The following ESRRB variants were observed in gnomAD, a reference collection of about 807,000 sequenced individuals.
ESRRB encodes the protein estrogen related receptor beta, also known as steroid hormone receptor ERR2.
ESRRB carries 16 observed loss-of-function variants against 46.0 expected under a neutral mutation model. The observed-to-expected ratio is 0.35, with a 90% CI of 0.24 to 0.53. The LOEUF (loss-of-function observed/expected upper bound fraction) is 0.53, where lower values mean the gene tolerates loss of function less well. Ranked by LOEUF, ESRRB falls within the 20% of genes least tolerant of loss-of-function variation. ESRRB has a pLI of 0.93. For missense variants in ESRRB, 488 were observed against 607.4 expected (o/e 0.80, Z 2.07); for synonymous variants, 246 against 259.6 (o/e 0.95, Z 0.50).
intron 2 of ESRRB, among the ~76,000 whole-genome samples, chr14:76,448,502 A>AT (rs57449056): frequency 0.88 from 127,266 of 144,524 alleles, 56,079 homozygotes; most frequent in East Asian, 0.99. Context: ...CTAATTTTGT[A>AT]TTTTTTTTTT....
At chr14:76,400,610 G>T (rs1282223591) in intron 1 of ESRRB, among the ~76,000 whole-genome samples, 5 of 152,206 alleles carry the variant, frequency 3.3e-5, no homozygotes, top group Non-Finnish European at 5.9e-5. Flanking sequence ...GTCCCAGTTT[G>T]GGTGGTGGTG....
At chr14:76,494,065 T>C (rs936355627) in intron 6 of ESRRB, among the ~76,000 whole-genome samples, 8 of 152,206 alleles carry the variant, frequency 5.3e-5, no homozygotes, top group Admixed American at 5.2e-4. Flanking sequence ...CCCCCGTAAA[T>C]GTCTGTACCT....
upstream of ESRRB, among the ~76,000 whole-genome samples, chr14:76,368,099 C>T (rs1307881562): frequency 2.0e-5 from 3 of 149,808 alleles, no homozygotes; most frequent in Non-Finnish European, 1.5e-5. Flanking sequence ...ACTGCAGGTG[C>T]GTGACACCAT....
intron 1 of ESRRB, among the ~76,000 whole-genome samples, chr14:76,361,552 T>C (rs550219008): frequency 6.6e-5 from 10 of 152,128 alleles, no homozygotes; most frequent in African/African-American, 2.4e-4. Context: ...TACTGAAAAA[T>C]GTGTAGGAGA....
At chr14:76,359,894 A>G (rs1250860200) in intron 1 of ESRRB, among the ~76,000 whole-genome samples, 1 of 152,244 alleles carries the variant, frequency 6.6e-6, no homozygotes, top group Non-Finnish European at 1.5e-5. Context: ...CTGACACAGC[A>G]GAAGCCCCAA....
chr14:76,331,012 C>T (rs938762553), intron 1 of ESRRB, among the ~76,000 whole-genome samples: 1 of 152,066 alleles, frequency 6.6e-6, no homozygotes, highest in Non-Finnish European at 1.5e-5. Context: ...GGTAAGCCCT[C>T]GGTTTCTGGG....
At chr14:76,405,585 C>G (rs964495701) in intron 1 of ESRRB, among the ~76,000 whole-genome samples, 8 of 151,974 alleles carry the variant, frequency 5.3e-5, no homozygotes, top group African/African-American at 1.9e-4. Context: ...GGTGAGACCT[C>G]AGGAAAATGG....
chr14:76,389,284 A>G (rs935018124), intron 1 of ESRRB, among the ~76,000 whole-genome samples: 8 of 152,136 alleles, frequency 5.3e-5, no homozygotes, highest in Non-Finnish European at 1.0e-4. Flanking sequence ...TTCTCCTTGC[A>G]GCTGTTCTCT....
In ESRRB at chr14:76,498,930, GTATC is replaced by G. The variant is rs1370333228; in HGVS notation, c.*474_*477del. 1 of 498,764 alleles carries G rather than the reference GTATC, an allele frequency of 2.0e-6. No homozygotes were observed. The highest frequency in any genetic ancestry group is 2.0e-5 in the African/African-American group (1 of 51,226). 30.9% of individuals were successfully genotyped at this position (498,764 alleles called of 1,614,324 possible). On this transcript the variant is annotated 3_prime_UTR_variant, in exon 7 of 7. Coordinates refer to ENST00000644823, the MANE Select transcript of ESRRB (RefSeq NM_001379180.1). ...GAGGGCAGGTACGCAAGGGACAACA[GTATC>G]TTTCTTCCAGAGGTCCTACCTGCTC...
At chr14:76,428,767 G>A (rs919561385) in intron 1 of ESRRB, among the ~76,000 whole-genome samples, 30 of 152,130 alleles carry the variant, frequency 2.0e-4, no homozygotes, top group Non-Finnish European at 3.8e-4. Flanking sequence ...CTGCAGCCTG[G>A]AAAATCATGG....
chr14:76,443,756 G>A (rs1888015999), intron 2 of ESRRB, among the ~76,000 whole-genome samples: 1 of 152,106 alleles, frequency 6.6e-6, no homozygotes, highest in Non-Finnish European at 1.5e-5. Context: ...GCTTGACAGA[G>A]GCCCAGGTGT....
At chr14:76,491,150 A>G (rs1890208315) in intron 5 of ESRRB, among the ~76,000 whole-genome samples, 1 of 152,192 alleles carries the variant, frequency 6.6e-6, no homozygotes, top group Non-Finnish European at 1.5e-5. Flanking sequence ...AAAAGCCTCT[A>G]CAGACGTTTG....
chr14:76,374,691 C>G (rs1483269652), upstream of ESRRB, among the ~76,000 whole-genome samples: 1 of 152,204 alleles, frequency 6.6e-6, no homozygotes, highest in African/African-American at 2.4e-5. Flanking sequence ...ACCCCTCTTT[C>G]TGTCTCTGAT....
At chr14:76,311,545 C>T (rs1883734443) in intron 1 of ESRRB, among the ~76,000 whole-genome samples, 1 of 152,212 alleles carries the variant, frequency 6.6e-6, no homozygotes, top group Non-Finnish European at 1.5e-5. Flanking sequence ...ACGATGAGAG[C>T]TGAGGATTTG....
chr14:76,356,507 A>G (rs1263673826), intron 1 of ESRRB, among the ~76,000 whole-genome samples: 3 of 152,134 alleles, frequency 2.0e-5, no homozygotes, highest in African/African-American at 7.2e-5. Flanking sequence ...GGATGACAGA[A>G]CGAACATTGT....
chr14:76,360,285 A>G (rs1884447094), intron 1 of ESRRB, among the ~76,000 whole-genome samples: 1 of 152,088 alleles, frequency 6.6e-6, no homozygotes, highest in African/African-American at 2.4e-5. Flanking sequence ...GCACCTTTCT[A>G]GGGTTCCTAG....
At chr14:76,466,420 CCT>C (rs993294806) in intron 3 of ESRRB, among the ~76,000 whole-genome samples, 14 of 152,102 alleles carry the variant, frequency 9.2e-5, no homozygotes, top group South Asian at 2.1e-4. Flanking sequence ...TCTGGCTCTC[CCT>C]CTCTCTTAAG....
intron 1 of ESRRB, among the ~76,000 whole-genome samples, chr14:76,417,272 AGGG>A (rs1886747181): frequency 6.6e-6 from 1 of 152,176 alleles, no homozygotes; most frequent in African/African-American, 2.4e-5. Context: ...TACTCCAGGT[AGGG>A]GGAGCAGTCA....
intron 1 of ESRRB, among the ~76,000 whole-genome samples, chr14:76,396,317 T>C (rs1038811674): frequency 1.3e-5 from 2 of 152,096 alleles, no homozygotes; most frequent in South Asian, 2.1e-4. Context: ...TAAAATCACA[T>C]GTATGGCTTT....
Sources: gnomAD v4.1 joint callset for allele counts (sites outside exome capture counted in the v4.1 genomes callset) on GRCh38, gnomAD v4.1.1 for gene constraint, MANE v1.5 for transcripts, NCBI Gene and HGNC (gene_info 2026-07-23, HGNC 2026-07-21) for gene names.